ZNF70: variants seen among roughly 807,000 people sequenced by gnomAD.
ZNF70 encodes zinc finger protein 70.
Under a neutral mutation model 37.7 loss-of-function variants are expected in ZNF70, and 18 were observed. The ratio of observed to expected loss-of-function variants is 0.48; its 90% CI spans 0.33 to 0.71. The LOEUF is 0.71. Ranked by LOEUF, ZNF70 falls within the 30% of genes least tolerant of loss-of-function variation. ZNF70 has a pLI of 0.02. For missense variants in ZNF70, 506 were observed against 568.6 expected, an observed-to-expected ratio of 0.89 and a Z score of 1.12; for synonymous variants, 219 against 220.1, an observed-to-expected ratio of 0.99 and a Z score of 0.05.
At chr22:23,748,225 A>G (rs1011211886) in intron 1 of ZNF70, among the ~76,000 whole-genome samples, 1 of 151,754 alleles carries the variant, frequency 6.6e-6, no homozygotes, top group Admixed American at 6.6e-5. Context: ...TCATAACAGA[A>G]CTCATTTCTA....
At chr22:23,749,527 CAAAAAAAAAAAA>C (rs61374101) in intron 1 of ZNF70, among the ~76,000 whole-genome samples, 12 of 24,110 alleles carry the variant, frequency 5.0e-4, no homozygotes, top group African/African-American at 1.3e-3. Context: ...GACTCCGTCT[CAAAAAAAAAAAA>C]AAAAAAAAAA....
chr22:23,748,058 T>C (rs949034606), intron 1 of ZNF70, among the ~76,000 whole-genome samples: 5 of 152,014 alleles, frequency 3.3e-5, no homozygotes, highest in African/African-American at 1.2e-4. Context: ...CAACAGCTCA[T>C]ATTCACTGAG....
At chr22:23,749,584 G>A (rs1409720362) in intron 1 of ZNF70, among the ~76,000 whole-genome samples, 1 of 147,070 alleles carries the variant, frequency 6.8e-6, no homozygotes, top group Non-Finnish European at 1.5e-5. Flanking sequence ...CTACAGGCAC[G>A]TGCCACACCT....
chr22:23,745,757 C>T (rs1040287188), intron 1 of ZNF70, among the ~76,000 whole-genome samples: 3 of 151,980 alleles, frequency 2.0e-5, no homozygotes, highest in Admixed American at 1.3e-4. Flanking sequence ...GGCAACAAAG[C>T]GAGACTCTAT....
rs200566530 is a variant in ZNF70, at chr22:23,744,070, G to T, written c.1071C>A (p.Ile357=). The T allele has an allele frequency of 6.2e-7, 1 of 1,614,234 alleles. No individual in the cohort carries two copies. The highest frequency in any genetic ancestry group is 1.3e-5 in the African/African-American group (1 of 75,048). ...QSSSLIEHQR[I]HTGEKPYECC... ...ACTCGTAGGGCTTCTCACCGGTGTG[G>T]ATGCGCTGGTGCTCAATGAGGGAGG... The change falls in exon 2 of 2, where the codon ATC becomes ATA. Residue 357 remains isoleucine, a synonymous_variant. Transcript: ENST00000341976.
At chr22:23,746,694 G>C (rs1925134772) in intron 1 of ZNF70, among the ~76,000 whole-genome samples, 1 of 152,118 alleles carries the variant, frequency 6.6e-6, no homozygotes, top group African/African-American at 2.4e-5. Context: ...CCAGGCTCAA[G>C]TGATCCTCCC....
At position 23,743,612 on chromosome 22, in the gene ZNF70, C is replaced by G; in HGVS notation, c.*188G>C. On this transcript the variant is annotated 3_prime_UTR_variant, in exon 2 of 2. Transcript: ENST00000341976. ...CCACCTTCCCTTCCATGCAGAAAAC[C>G]TGCTGAGAGCTGGCGTGCTTGGCCC... 1.3e-6 allele frequency: 1 copy of G among 753,792 alleles called. No homozygotes were observed. The highest frequency in any genetic ancestry group is 2.4e-5 in the South Asian group (1 of 41,362). The allele number at this position is 753,792 out of a possible 1,614,324, so 46.7% of individuals were successfully genotyped here.
chr22:23,745,296 T>C (rs1925084590), intron 1 of ZNF70, 77 bp from the exon 2 acceptor site: 1 of 752,780 alleles, frequency 1.3e-6, no homozygotes, highest in Admixed American at 2.8e-5. Flanking sequence ...TCCTAGAATC[T>C]ATGGTAGAAA....
In ZNF70 at chr22:23,744,817, G is replaced by A; in HGVS notation, c.324C>T (p.His108=). The A allele has an allele frequency of 6.2e-7, 1 of 1,614,218 alleles. No homozygotes were observed. Among genetic ancestry groups the A allele is most frequent in the Non-Finnish European group, 8.5e-7 (1 of 1,180,038 alleles). The change falls in exon 2 of 2, where the codon CAC becomes CAT. Residue 108 remains histidine, a synonymous_variant. Transcript: ENST00000341976. ...AATCGCATGGACTGGGCTCTTCACT[G>A]TGGATTATCTGACACATGCTGAGGT... ...KSDLSMCQII[H]SEEPSPCDCA... is the part of the protein sequence containing the mutation.
chr22:23,749,484 C>T (rs1249881976), intron 1 of ZNF70, among the ~76,000 whole-genome samples: 1 of 139,580 alleles, frequency 7.2e-6, no homozygotes, highest in Admixed American at 7.4e-5. Context: ...GCCGAGATCG[C>T]GCCACTGCAC....
intron 1 of ZNF70, 69 bp from the exon 2 acceptor site, chr22:23,745,288 C>T (rs1285165847): frequency 1.3e-6 from 1 of 783,750 alleles, no homozygotes; most frequent in Non-Finnish European, 2.1e-6. Flanking sequence ...GCTTCATATC[C>T]TAGAATCTAT....
At position 23,751,064 on chromosome 22, in the gene ZNF70, C is replaced by G. The variant is rs915801434; in HGVS notation, c.-433G>C. On this transcript the variant is annotated 5_prime_UTR_variant, in exon 1 of 2. Transcript: ENST00000341976. Reference sequence around the variant, plus strand: ...GGGCCGCACCTGAGCTGCTCCAACCCGCGGCCGACGCGGCCGACGCTGCCT... The same window carrying G: ...GGGCCGCACCTGAGCTGCTCCAACCGGCGGCCGACGCGGCCGACGCTGCCT... The G allele has an allele frequency of 6.6e-6, 1 of 151,614 alleles. No individual in the cohort carries two copies. The highest frequency in any genetic ancestry group is 6.6e-5 in the Admixed American group (1 of 15,198). 9.4% of individuals were successfully genotyped at this position (151,614 alleles called of 1,614,324 possible).
chr22:23,745,564 G>C (rs1408400188), intron 1 of ZNF70, among the ~76,000 whole-genome samples: 1 of 152,100 alleles, frequency 6.6e-6, no homozygotes, highest in Non-Finnish European at 1.5e-5. Flanking sequence ...GAGGTCAGGA[G>C]TTCAAAACCA....
In ZNF70 at chr22:23,744,279, C is replaced by T. The variant is rs139342302; in HGVS notation, c.862G>A (p.Ala288Thr). The T allele has an allele frequency of 6.2e-7, 1 of 1,613,740 alleles. No homozygotes were observed. Among genetic ancestry groups the T allele is most frequent in the Non-Finnish European group, 8.5e-7 (1 of 1,179,984 alleles). The stretch of plus-strand genomic sequence containing the variant: ...ATGAGGTGTGACCTGTGACAAAAGG[C>T]TTTCCCACAGAGATCGCACTCGTGA... The part of the protein sequence containing the change: ...KPHECDLCGK[A>T]FCHRSHLIRH... The change falls in exon 2 of 2, where the codon GCC (alanine) becomes ACC (threonine). Residue 288 changes from alanine (A) to threonine (T), a missense_variant. By Grantham distance (58) the Ala-to-Thr change is moderately conservative (BLOSUM62 0). Coordinates refer to ENST00000341976, the MANE Select transcript of ZNF70 (RefSeq NM_021916.4).
chr22:23,746,919 C>T (rs548563231), intron 1 of ZNF70, among the ~76,000 whole-genome samples: 6 of 152,150 alleles, frequency 3.9e-5, no homozygotes, highest in Non-Finnish European at 7.3e-5. Context: ...CTTCAGGACT[C>T]GTCCAAATGT....
At chr22:23,748,566 T>C (rs954142208) in intron 1 of ZNF70, among the ~76,000 whole-genome samples, 2 of 143,612 alleles carry the variant, frequency 1.4e-5, no homozygotes, top group Admixed American at 7.0e-5. Flanking sequence ...TTTTTTGAGG[T>C]GGAGTCTCAC....
rs1264717667 is a variant in ZNF70 at position 23,739,694 on chromosome 22, G to A, written c.*4106C>T. ...GCTCACTGCAACCTCCGCCTCCCGGGTTCAAGCGATTCTCCTGCCTCAGCC... is the reference window on the plus strand; with the variant it reads ...GCTCACTGCAACCTCCGCCTCCCGGATTCAAGCGATTCTCCTGCCTCAGCC... On this transcript the variant is annotated 3_prime_UTR_variant, in exon 2 of 2. Coordinates refer to ENST00000341976, the MANE Select transcript of ZNF70 (RefSeq NM_021916.4). 6.6e-6 allele frequency: 1 copy of A among 151,994 alleles called. No homozygotes were observed. Among genetic ancestry groups the A allele is most frequent in the Admixed American group, 6.6e-5 (1 of 15,222 alleles). The allele number at this position is 151,994 out of a possible 1,614,324, so 9.4% of individuals were successfully genotyped here. A position where few individuals can be genotyped will look rare whatever the true frequency, so the allele number is the denominator to read the frequency against.
chr22:23,741,982 C>T lies in ZNF70; in HGVS notation c.*1818G>A, dbSNP rs1031396876. 6.6e-6 allele frequency: 1 copy of T among 152,454 alleles called. No homozygotes were observed. Among genetic ancestry groups the T allele is most frequent in the African/African-American group, 2.4e-5 (1 of 41,472 alleles). 9.4% of individuals were successfully genotyped at this position (152,454 alleles called of 1,614,324 possible). On this transcript the variant is annotated 3_prime_UTR_variant, in exon 2 of 2. Coordinates refer to ENST00000341976, the MANE Select transcript of ZNF70 (RefSeq NM_021916.4). ...ACCCAGCATGGGCCAGGTGTGGAGG[C>T]TCATGCCTGTAATCCCGGCACTTTG...
intron 1 of ZNF70, among the ~76,000 whole-genome samples, chr22:23,745,677 A>C (rs1031573802): frequency 2.0e-5 from 3 of 152,120 alleles, no homozygotes; most frequent in Non-Finnish European, 2.9e-5. Context: ...AGGCTGAGGC[A>C]GGAGACTCGC....
Sources: gnomAD v4.1 joint callset for allele counts (sites outside exome capture counted in the v4.1 genomes callset) on GRCh38, gnomAD v4.1.1 for gene constraint, MANE v1.5 for transcripts, NCBI Gene and HGNC (gene_info 2026-07-23, HGNC 2026-07-21) for gene names.